The following IQCM variants were observed in gnomAD, a reference collection of about 807,000 sequenced individuals.
IQCM encodes IQ domain-containing protein M.
In IQCM, 45 loss-of-function variants were observed where a neutral mutation model predicts 57.6. The ratio of observed to expected loss-of-function variants is 0.78; its 90% CI spans 0.62 to 1.00. The LOEUF is 1.00. Among genes scored for constraint, IQCM ranks in the 50% least tolerant of loss-of-function variants. The pLI is 0.00. For missense variants in IQCM, 468 were observed against 511.6 expected (o/e 0.91, Z 0.82); for synonymous variants, 148 against 158.9 (o/e 0.93, Z 0.51).
intron 13 of IQCM, among the ~76,000 whole-genome samples, chr4:149,423,277 G>C (rs1273796558): frequency 6.6e-6 from 1 of 151,930 alleles, no homozygotes; most frequent in Non-Finnish European, 1.5e-5. Flanking sequence ...TAAAGAGCAG[G>C]GGAAACAGCC....
intron 5 of IQCM, among the ~76,000 whole-genome samples, chr4:149,720,545 A>G (rs188483338): frequency 4.6e-5 from 7 of 152,304 alleles, no homozygotes; most frequent in Admixed American, 4.6e-4. Context: ...AAAAAGAGAA[A>G]AAGTGTAAAG....
At chr4:149,511,349 T>A (rs1430217317) in intron 12 of IQCM, among the ~76,000 whole-genome samples, 1 of 151,546 alleles carries the variant, frequency 6.6e-6, no homozygotes, top group Non-Finnish European at 1.5e-5. Flanking sequence ...TGAAACCTCA[T>A]GTCTACTAAC....
At chr4:149,661,636 C>A (rs1445589373) in intron 7 of IQCM, among the ~76,000 whole-genome samples, 1 of 152,010 alleles carries the variant, frequency 6.6e-6, no homozygotes, top group Non-Finnish European at 1.5e-5. Flanking sequence ...CTCACTCACC[C>A]TTGGTCTGTT....
chr4:149,715,068 A>AAGGAGAGACT (rs1453223192), intron 5 of IQCM, among the ~76,000 whole-genome samples: 1 of 152,254 alleles, frequency 6.6e-6, no homozygotes, highest in Non-Finnish European at 1.5e-5. Flanking sequence ...AACCATGGAT[A>AAGGAGAGACT]AGGAGAGACT....
intron 12 of IQCM, among the ~76,000 whole-genome samples, chr4:149,464,091 C>G (rs1053908667): frequency 1.3e-5 from 2 of 152,060 alleles, no homozygotes; most frequent in African/African-American, 4.8e-5. Flanking sequence ...TTGTGGTATC[C>G]ATCTTTTTCC....
chr4:149,741,872 T>C (rs1403663085), intron 3 of IQCM, among the ~76,000 whole-genome samples: 1 of 152,194 alleles, frequency 6.6e-6, no homozygotes, highest in East Asian at 1.9e-4. Context: ...ATTAGCTCGA[T>C]AGAGGTAATA....
chr4:149,692,175 C>T (rs1348552950), intron 5 of IQCM, among the ~76,000 whole-genome samples: 2 of 152,128 alleles, frequency 1.3e-5, no homozygotes, highest in Non-Finnish European at 2.9e-5. Context: ...CCACAGTGCC[C>T]CAGGGAGCCT....
chr4:149,749,888 A>G (rs976791788), intron 2 of IQCM, among the ~76,000 whole-genome samples: 2 of 152,192 alleles, frequency 1.3e-5, no homozygotes, highest in Admixed American at 1.3e-4. Context: ...AAGCCCCACC[A>G]GTGCAGGAAC....
chr4:149,430,037 G>GA (rs1734717132), intron 13 of IQCM: 4 of 1,226,402 alleles, frequency 3.3e-6, no homozygotes, highest in Middle Eastern at 3.1e-4. Context: ...AAACTGCAGA[G>GA]AAAATAAATA....
intron 7 of IQCM, among the ~76,000 whole-genome samples, chr4:149,668,887 G>C (rs1760984977): frequency 6.6e-6 from 1 of 152,094 alleles, no homozygotes; most frequent in African/African-American, 2.4e-5. Context: ...TCTCCAAAGA[G>C]AAAGAGGAGA....
chr4:149,768,467 G>C (rs1483429888), intron 2 of IQCM, among the ~76,000 whole-genome samples: 3 of 152,066 alleles, frequency 2.0e-5, no homozygotes, highest in Non-Finnish European at 4.4e-5. Context: ...AAATTAAGTA[G>C]AGACATTATG....
chr4:149,456,400 T>C (rs1182707597), intron 12 of IQCM, among the ~76,000 whole-genome samples: 2 of 152,116 alleles, frequency 1.3e-5, no homozygotes, highest in African/African-American at 4.8e-5. Flanking sequence ...TATTTGCATA[T>C]ACAAAATGAG....
chr4:149,763,363 G>A (rs1238058219), intron 2 of IQCM, among the ~76,000 whole-genome samples: 1 of 151,850 alleles, frequency 6.6e-6, no homozygotes, highest in African/African-American at 2.4e-5. Flanking sequence ...TTATTTTTTT[G>A]CATGTTGAAT....
At chr4:149,553,728 T>A (rs1749262256) in intron 10 of IQCM, among the ~76,000 whole-genome samples, 1 of 152,194 alleles carries the variant, frequency 6.6e-6, no homozygotes, top group Non-Finnish European at 1.5e-5. Flanking sequence ...TACCTATTTT[T>A]CCCTGGGCTT....
At position 149,351,836 on chromosome 4, in the gene IQCM, T is replaced by C. The variant is rs1728611259; in HGVS notation, c.*115A>G. 1 of 395,506 alleles carries C rather than the reference T, an allele frequency of 2.5e-6. No individual in the cohort carries two copies. Among genetic ancestry groups the C allele is most frequent in the Non-Finnish European group, 4.5e-6 (1 of 224,578 alleles). The allele number at this position is 395,506 out of a possible 1,614,324, so 24.5% of individuals were successfully genotyped here. A position where few individuals can be genotyped will look rare whatever the true frequency, so the allele number is the denominator to read the frequency against. On this transcript the variant is annotated 3_prime_UTR_variant, in exon 14 of 14. Coordinates refer to ENST00000636793, the MANE Select transcript of IQCM (RefSeq NM_001363507.2). ...TAAACTTGTCAAAGTTCTTTCTATA[T>C]TCAAAGATTTTTATCCTTTCTTCCT...
intron 12 of IQCM, among the ~76,000 whole-genome samples, chr4:149,443,867 A>AT (rs1179313438): frequency 6.6e-6 from 1 of 151,896 alleles, no homozygotes; most frequent in Non-Finnish European, 1.5e-5. Context: ...TTAACTATTA[A>AT]TTTTTTTCAT....
intron 2 of IQCM, among the ~76,000 whole-genome samples, chr4:149,768,259 C>G (rs1314424261): frequency 1.3e-5 from 2 of 152,132 alleles, no homozygotes; most frequent in Non-Finnish European, 2.9e-5. Context: ...GAAATTTGGA[C>G]ATTGGATTAA....
At chr4:149,710,506 GC>G (rs1311783904) in intron 5 of IQCM, among the ~76,000 whole-genome samples, 2 of 152,020 alleles carry the variant, frequency 1.3e-5, no homozygotes, top group African/African-American at 4.8e-5. Context: ...GGCAATCCAT[GC>G]CCATATTCTT....
chr4:149,672,792 C>T (rs1389386059), intron 7 of IQCM, among the ~76,000 whole-genome samples: 1 of 152,072 alleles, frequency 6.6e-6, no homozygotes, highest in Non-Finnish European at 1.5e-5. Flanking sequence ...CAAAGATACT[C>T]CTCGAGAAGA....
Sources: allele counts gnomAD v4.1 joint callset (sites outside exome capture counted in the v4.1 genomes callset), GRCh38; gene constraint gnomAD v4.1.1; transcripts MANE v1.5; gene names NCBI Gene and HGNC (gene_info 2026-07-23, HGNC 2026-07-21).